ZBTB20: variants seen among roughly 807,000 people sequenced by gnomAD.
ZBTB20 encodes the protein zinc finger and BTB domain-containing protein 20.
In ZBTB20, 9 loss-of-function variants were observed where a neutral mutation model predicts 56.9. That is an observed-to-expected ratio of 0.16 (90% CI 0.10 to 0.28). ZBTB20 has a LOEUF of 0.28. Among genes scored for constraint, ZBTB20 ranks in the 10% least tolerant of loss-of-function variants. The probability of loss-of-function intolerance (pLI) is 1.00; values close to 1 mark genes in which losing one functional copy is unlikely to be tolerated. For missense variants in ZBTB20, 655 were observed against 1,003.0 expected (o/e 0.65, Z 4.69); for synonymous variants, 417 against 420.7 (o/e 0.99, Z 0.11).
intron 11 of ZBTB20, among the ~76,000 whole-genome samples, chr3:114,341,970 C>A (rs1169285598): frequency 1.3e-5 from 2 of 152,154 alleles, no homozygotes; most frequent in African/African-American, 2.4e-5. Context: ...CCCTTCCCTG[C>A]CACAGAACAA....
chr3:114,631,485 C>A (rs1348546090), intron 6 of ZBTB20, among the ~76,000 whole-genome samples: 2 of 137,436 alleles, frequency 1.5e-5, no homozygotes, highest in Non-Finnish European at 3.0e-5. Flanking sequence ...CTCTGCCTTC[C>A]GGGTTCAAGC....
Position 114,351,528 on chromosome 3 carries a change from T to C in ZBTB20, c.550A>G (p.Thr184Ala). 6.2e-7 allele frequency: 1 copy of C among 1,613,984 alleles called. No individual in the cohort carries two copies. The highest frequency in any genetic ancestry group is 8.5e-7 in the Non-Finnish European group (1 of 1,180,006). The change falls in exon 11 of 12, where the codon ACA (threonine) becomes GCA (alanine). Residue 184 changes from threonine (T) to alanine (A), a missense_variant. By Grantham distance (58) the Thr-to-Ala change is moderately conservative (BLOSUM62 0). Coordinates refer to ENST00000675478, the MANE Select transcript of ZBTB20 (RefSeq NM_001348800.3). Reference sequence around the variant, plus strand: ...ATGCGCGTGCACTCGTCGATGACTGTTTTGATCTGCAGGATGCTGGCGGCC... The same window carrying C: ...ATGCGCGTGCACTCGTCGATGACTGCTTTGATCTGCAGGATGCTGGCGGCC... ...LTAASILQIK[T>A]VIDECTRIVS...
chr3:114,486,130 GTGT>G (rs2042098032), intron 7 of ZBTB20, among the ~76,000 whole-genome samples: 1 of 60,284 alleles, frequency 1.7e-5, no homozygotes, highest in Admixed American at 1.3e-4. Context: ...GTGTGTGTGT[GTGT>G]GTGTGGGGGG....
At position 114,422,191 on chromosome 3, in the gene ZBTB20, C is replaced by T. The variant is rs185473843; in HGVS notation, c.-254-33086G>A. Among the ~76,000 whole-genome samples the T allele has an allele frequency of 2.1e-3, 314 of 152,264 alleles. 1 individual carries two copies. The highest frequency in any genetic ancestry group is 6.4e-3 in the African/African-American group (267 of 41,542). ...CTACATTTTACTTAGACCACTACAT[C>T]GTCTGCTCAGTCTATAGCTTTCCTA... On this transcript the variant is annotated intron_variant, in intron 7 of 11. Coordinates refer to ENST00000675478, the MANE Select transcript of ZBTB20 (RefSeq NM_001348800.3).
chr3:114,432,632 A>G (rs2090203075), intron 7 of ZBTB20, among the ~76,000 whole-genome samples: 1 of 152,230 alleles, frequency 6.6e-6, no homozygotes, highest in Non-Finnish European at 1.5e-5. Flanking sequence ...ACTCAACAGA[A>G]TGTCTAGCTG....
In ZBTB20 at chr3:114,334,626, A is replaced by G. The variant is rs2079387002; in HGVS notation, c.*4379T>C. 1 of 152,250 alleles carries G rather than the reference A, an allele frequency of 6.6e-6. No homozygotes were observed. Among genetic ancestry groups the G allele is most frequent in the Admixed American group, 6.5e-5 (1 of 15,286 alleles). 9.4% of individuals were successfully genotyped at this position (152,250 alleles called of 1,614,324 possible). A position where few individuals can be genotyped will look rare whatever the true frequency, so the allele number is the denominator to read the frequency against. On this transcript the variant is annotated 3_prime_UTR_variant, in exon 12 of 12. Coordinates refer to ENST00000675478, the MANE Select transcript of ZBTB20 (RefSeq NM_001348800.3). ...ATAGAATATTTTGATGATACAAAATAAAACCCTTATGACTTTTAAACACAG... is the reference window on the plus strand; with the variant it reads ...ATAGAATATTTTGATGATACAAAATGAAACCCTTATGACTTTTAAACACAG...
At chr3:115,096,737 G>A (rs534947991) in intron 1 of ZBTB20, among the ~76,000 whole-genome samples, 111 of 152,288 alleles carry the variant, frequency 7.3e-4, no homozygotes, top group African/African-American at 2.6e-3. Flanking sequence ...TTAGAGTTGG[G>A]CAAGTCCATG....
intron 2 of ZBTB20, among the ~76,000 whole-genome samples, chr3:115,048,710 C>A (rs2081427589): frequency 6.6e-6 from 1 of 152,098 alleles, no homozygotes; most frequent in South Asian, 2.1e-4. Context: ...TCTTTTCTTA[C>A]ACAAATAGGA....
intron 6 of ZBTB20, among the ~76,000 whole-genome samples, chr3:114,538,507 T>C (rs937922252): frequency 7.2e-5 from 11 of 152,192 alleles, no homozygotes; most frequent in East Asian, 1.9e-4. Flanking sequence ...ACCTAAATTA[T>C]TTCATGTGTG....
chr3:114,432,605 G>T (rs1381671843), intron 7 of ZBTB20, among the ~76,000 whole-genome samples: 1 of 152,174 alleles, frequency 6.6e-6, no homozygotes, highest in Non-Finnish European at 1.5e-5. Flanking sequence ...ACCTTTCTGA[G>T]GGGGACAGTA....
chr3:114,350,052 C>T (rs962140658), intron 11 of ZBTB20, among the ~76,000 whole-genome samples: 1 of 152,080 alleles, frequency 6.6e-6, no homozygotes, highest in Non-Finnish European at 1.5e-5. Context: ...TAGGACATCC[C>T]TTCTCCATAA....
intron 6 of ZBTB20, among the ~76,000 whole-genome samples, chr3:114,511,174 G>T (rs947879275): frequency 6.7e-5 from 10 of 150,152 alleles, no homozygotes; most frequent in African/African-American, 2.4e-4. Context: ...GCAAAGAAAA[G>T]AAATATAATT....
intron 5 of ZBTB20, among the ~76,000 whole-genome samples, chr3:114,749,141 C>A (rs1325098507): frequency 6.6e-6 from 1 of 152,298 alleles, no homozygotes; most frequent in East Asian, 1.9e-4. Flanking sequence ...AAGGGAAAAT[C>A]AAAGGATGTT....
chr3:114,742,246 T>A (rs1218154697), intron 5 of ZBTB20, among the ~76,000 whole-genome samples: 1 of 152,172 alleles, frequency 6.6e-6, no homozygotes, highest in African/African-American at 2.4e-5. Context: ...TGGTAAAATA[T>A]CATAATAAAG....
intron 5 of ZBTB20, among the ~76,000 whole-genome samples, chr3:114,739,808 T>G (rs1381893625): frequency 6.6e-6 from 1 of 152,230 alleles, no homozygotes; most frequent in African/African-American, 2.4e-5. Context: ...CTAGGCATTC[T>G]GACATTCCAC....
chr3:114,392,754 AT>A (rs2108643837), intron 7 of ZBTB20, among the ~76,000 whole-genome samples: 1 of 152,212 alleles, frequency 6.6e-6, no homozygotes, highest in South Asian at 2.1e-4. Flanking sequence ...GTCTGTTCAA[AT>A]TTTCTTGCCT....
Position 114,579,829 on chromosome 3 carries a change from AT to A in ZBTB20, c.-294-79439del, listed in dbSNP as rs1444108702. ...AAACTGTGAACTGTATTTAAAAAAA[AT>A]AACTTCCCAAAATTGACTAGAGAAG... is the stretch of plus-strand genomic sequence containing the variant. On this transcript the variant is annotated intron_variant, in intron 6 of 11. Coordinates refer to ENST00000675478, the MANE Select transcript of ZBTB20 (RefSeq NM_001348800.3). 5.3e-5 allele frequency among the ~76,000 whole-genome samples: 8 copies of A among 151,804 alleles called. No individual in the cohort carries two copies. The South Asian group carries it at 1.7e-3, about 31-fold the overall frequency.
At chr3:114,957,394 T>C (rs2077283747) in intron 3 of ZBTB20, among the ~76,000 whole-genome samples, 4 of 152,070 alleles carry the variant, frequency 2.6e-5, no homozygotes, top group Admixed American at 2.6e-4. Flanking sequence ...ATGCAACACA[T>C]AGGAAGGGTA....
At chr3:114,660,119 AAAAT>A (rs1404856350) in intron 6 of ZBTB20, among the ~76,000 whole-genome samples, 1 of 152,186 alleles carries the variant, frequency 6.6e-6, no homozygotes, top group Non-Finnish European at 1.5e-5. Flanking sequence ...AAGAAAATAA[AAAAT>A]AAATAAAGAA....
Sources: allele counts gnomAD v4.1 joint callset (sites outside exome capture counted in the v4.1 genomes callset), GRCh38; gene constraint gnomAD v4.1.1; transcripts MANE v1.5; gene names NCBI Gene and HGNC (gene_info 2026-07-23, HGNC 2026-07-21).